ATP8A2: variants seen among roughly 807,000 people sequenced by gnomAD.
ATP8A2 encodes phospholipid-transporting ATPase IB.
A neutral mutation model predicts 165.6 loss-of-function variants in ATP8A2; 100 were observed. The observed-to-expected ratio is 0.60, with a 90% CI of 0.51 to 0.71. ATP8A2 has a LOEUF of 0.71. Ranked by LOEUF, ATP8A2 falls within the 30% of genes least tolerant of loss-of-function variation. ATP8A2 has a pLI of 0.00. For synonymous variants in ATP8A2, 543 were observed against 548.8 expected (o/e 0.99, Z 0.15); for missense variants, 1,227 against 1,479.5 (o/e 0.83, Z 2.80).
intron 27 of ATP8A2, among the ~76,000 whole-genome samples, chr13:25,784,957 G>T (rs1469639452): frequency 6.6e-6 from 1 of 151,654 alleles, no homozygotes; most frequent in Non-Finnish European, 1.5e-5. Flanking sequence ...TAGAGATGGG[G>T]TTTCACCATG....
Position 26,025,166 on chromosome 13 carries a change from C to G in ATP8A2, c.*5181C>G, listed in dbSNP as rs996932940. On this transcript the variant is annotated 3_prime_UTR_variant, in exon 37 of 37. Coordinates refer to ENST00000381655, the MANE Select transcript of ATP8A2 (RefSeq NM_016529.6). ...AGAAAAGAAAAAAAGGAAACCAGCC[C>G]TGTCATGGAATTTCTCTCCTTCCCT... The G allele has an allele frequency of 6.6e-6, 1 of 151,534 alleles. No individual in the cohort carries two copies. The highest frequency in any genetic ancestry group is 2.4e-5 in the African/African-American group (1 of 41,210). The allele number at this position is 151,534 out of a possible 1,614,324, so 9.4% of individuals were successfully genotyped here.
intron 33 of ATP8A2, among the ~76,000 whole-genome samples, chr13:25,952,142 T>C (rs1955384250): frequency 6.6e-6 from 1 of 152,220 alleles, no homozygotes. Context: ...AAATGAGTGC[T>C]AGTAGAATCA....
intron 12 of ATP8A2, among the ~76,000 whole-genome samples, chr13:25,554,278 CA>C (rs541595668): frequency 6.0e-4 from 92 of 152,218 alleles, no homozygotes; most frequent in African/African-American, 2.1e-3. Context: ...TATCAAAATT[CA>C]TTGTGATAGT....
intron 24 of ATP8A2, among the ~76,000 whole-genome samples, chr13:25,673,194 C>T (rs61947309): frequency 0.038 from 5,836 of 152,288 alleles, 164 homozygotes; most frequent in Middle Eastern, 0.099. Context: ...CTTTCTCCTC[C>T]GCCTCTCACT....
intron 25 of ATP8A2, among the ~76,000 whole-genome samples, chr13:25,730,877 A>T (rs1231265636): frequency 6.6e-6 from 1 of 151,944 alleles, no homozygotes; most frequent in Non-Finnish European, 1.5e-5. Context: ...GGAGTTGGAG[A>T]CCAGCCTGGG....
chr13:25,707,216 C>T (rs902660028), intron 25 of ATP8A2, among the ~76,000 whole-genome samples: 4 of 152,108 alleles, frequency 2.6e-5, no homozygotes, highest in Non-Finnish European at 5.9e-5. Context: ...TAATTATTTA[C>T]AGCTTAGGAA....
At chr13:25,979,826 C>T (rs888518124) in intron 35 of ATP8A2, among the ~76,000 whole-genome samples, 33 of 152,114 alleles carry the variant, frequency 2.2e-4, no homozygotes, top group African/African-American at 8.0e-4. Context: ...TGGGCTGGAG[C>T]AGTCAGGGAA....
chr13:25,502,405 T>C (rs1361279572), intron 2 of ATP8A2, among the ~76,000 whole-genome samples: 1 of 152,244 alleles, frequency 6.6e-6, no homozygotes, highest in African/African-American at 2.4e-5. Context: ...CTGTCAAGTA[T>C]TGAAGCTTAG....
At chr13:25,812,872 A>C (rs901317629) in intron 27 of ATP8A2, among the ~76,000 whole-genome samples, 1 of 152,192 alleles carries the variant, frequency 6.6e-6, no homozygotes, top group Non-Finnish European at 1.5e-5. Context: ...AATGTGGTAC[A>C]TATACACCAT....
intron 2 of ATP8A2, among the ~76,000 whole-genome samples, chr13:25,501,363 A>G (rs149407302): frequency 2.7e-4 from 41 of 152,226 alleles, no homozygotes; most frequent in African/African-American, 9.6e-4. Flanking sequence ...GAATTGGCTG[A>G]TATGGATAAT....
intron 24 of ATP8A2, among the ~76,000 whole-genome samples, 177 bp from the exon 25 acceptor site, chr13:25,698,996 C>CA (rs1197948326): frequency 6.6e-6 from 1 of 152,140 alleles, no homozygotes; most frequent in Non-Finnish European, 1.5e-5. Context: ...ACCCATAAAA[C>CA]AGACCCAGAG....
intron 1 of ATP8A2, among the ~76,000 whole-genome samples, chr13:25,463,939 C>T (rs571706525): frequency 1.1e-4 from 16 of 152,264 alleles, no homozygotes; most frequent in African/African-American, 3.6e-4. Flanking sequence ...TATTGCTGGT[C>T]TCTGGTGGGC....
At chr13:25,399,416 T>TTTTTTTTTTTTTTG (rs2033546342) in intron 1 of ATP8A2, among the ~76,000 whole-genome samples, 1 of 141,816 alleles carries the variant, frequency 7.1e-6, no homozygotes. Context: ...TTTTTTTTTT[T>TTTTTTTTTTTTTTG]GAGACGGAGT....
intron 33 of ATP8A2, among the ~76,000 whole-genome samples, chr13:25,902,694 C>T (rs980445048): frequency 6.6e-6 from 1 of 152,042 alleles, no homozygotes; most frequent in African/African-American, 2.4e-5. Flanking sequence ...CTACATTTGC[C>T]CTTGACTGTT....
At chr13:25,870,553 T>C (rs148999823) in intron 33 of ATP8A2, among the ~76,000 whole-genome samples, 5 of 152,280 alleles carry the variant, frequency 3.3e-5, no homozygotes, top group African/African-American at 7.2e-5. Flanking sequence ...TGCAGTTACA[T>C]GTGTAATGAA....
chr13:26,009,279 A>G (rs529464044), intron 35 of ATP8A2, among the ~76,000 whole-genome samples: 1 of 152,304 alleles, frequency 6.6e-6, no homozygotes, highest in Non-Finnish European at 1.5e-5. Context: ...TCATGATGAC[A>G]CCTTCATAAA....
At chr13:25,922,659 C>A (rs1295369356) in intron 33 of ATP8A2, among the ~76,000 whole-genome samples, 2 of 152,170 alleles carry the variant, frequency 1.3e-5, no homozygotes, top group African/African-American at 2.4e-5. Context: ...GGGTCAGTGA[C>A]GTTCTCGCAT....
At chr13:25,596,751 A>G (rs2040246138) in intron 24 of ATP8A2, among the ~76,000 whole-genome samples, 1 of 152,170 alleles carries the variant, frequency 6.6e-6, no homozygotes, top group Non-Finnish European at 1.5e-5. Context: ...AGTTTTGGTG[A>G]ACATCTGTTT....
intron 1 of ATP8A2, among the ~76,000 whole-genome samples, chr13:25,444,113 G>A (rs1328891541): frequency 6.6e-6 from 1 of 152,134 alleles, no homozygotes; most frequent in Non-Finnish European, 1.5e-5. Flanking sequence ...TTCCTGCCAA[G>A]TGCAATCACT....
Sources: gnomAD v4.1 joint callset for allele counts (sites outside exome capture counted in the v4.1 genomes callset) on GRCh38, gnomAD v4.1.1 for gene constraint, MANE v1.5 for transcripts, NCBI Gene and HGNC (gene_info 2026-07-23, HGNC 2026-07-21) for gene names.